NEK11: variants seen among roughly 807,000 people sequenced by gnomAD.
NEK11 encodes NIMA related kinase 11, also known as serine/threonine-protein kinase Nek11.
In NEK11, 72 loss-of-function variants were observed where a neutral mutation model predicts 80.7. The ratio of observed to expected loss-of-function variants is 0.89; its 90% CI spans 0.74 to 1.08. The LOEUF (loss-of-function observed/expected upper bound fraction) is 1.08. NEK11 is among the 50% of genes least tolerant of loss of function. NEK11 has a pLI of 0.00. For missense variants in NEK11, 764 were observed against 763.6 expected (o/e 1.00, Z -0.01); for synonymous variants, 251 against 260.7 (o/e 0.96, Z 0.36).
chr3:131,337,377 A>G (rs545463942), intron 17 of NEK11, among the ~76,000 whole-genome samples: 3 of 151,224 alleles, frequency 2.0e-5, no homozygotes, highest in African/African-American at 4.9e-5. Flanking sequence ...AAAACACCAA[A>G]CACCGCATGT....
At chr3:131,157,214 G>A (rs1367551389) in intron 10 of NEK11, among the ~76,000 whole-genome samples, 2 of 152,192 alleles carry the variant, frequency 1.3e-5, no homozygotes, top group African/African-American at 4.8e-5. Context: ...GTAGGATCCT[G>A]TCCTTAAAAT....
At chr3:131,215,369 A>C (rs62280797) in intron 14 of NEK11, among the ~76,000 whole-genome samples, 7,106 of 152,042 alleles carry the variant, frequency 0.047, 233 homozygotes, top group Non-Finnish European at 0.073. Context: ...ACACGTATAC[A>C]TATGTAACAG....
At chr3:131,320,760 C>CA (rs2096889208) in intron 17 of NEK11, among the ~76,000 whole-genome samples, 1 of 151,734 alleles carries the variant, frequency 6.6e-6, no homozygotes, top group African/African-American at 2.4e-5. Context: ...AATAGCGAGA[C>CA]AAAAAATAAA....
At chr3:131,040,374 A>G (rs1003776323) in intron 3 of NEK11, among the ~76,000 whole-genome samples, 2 of 152,078 alleles carry the variant, frequency 1.3e-5, no homozygotes, top group Non-Finnish European at 2.9e-5. Context: ...GGGGTGATGG[A>G]TATGCTCATT....
chr3:131,234,915 CT>C (rs1181713476), intron 15 of NEK11, among the ~76,000 whole-genome samples: 1 of 151,518 alleles, frequency 6.6e-6, no homozygotes, highest in Non-Finnish European at 1.5e-5. Flanking sequence ...GTCATTAAGT[CT>C]TTAAAATTAG....
At chr3:131,102,596 C>A (rs898519304) in intron 4 of NEK11, among the ~76,000 whole-genome samples, 3 of 152,106 alleles carry the variant, frequency 2.0e-5, no homozygotes, top group Admixed American at 2.0e-4. Flanking sequence ...TTTCTCTCTT[C>A]CTTTAAGATT....
At chr3:131,226,802 A>T (rs969445521) in intron 14 of NEK11, among the ~76,000 whole-genome samples, 1 of 152,092 alleles carries the variant, frequency 6.6e-6, no homozygotes. Context: ...GTAACCAAAA[A>T]CCACTTGTAT....
At chr3:131,324,017 G>A (rs1271154491) in intron 17 of NEK11, among the ~76,000 whole-genome samples, 2 of 152,164 alleles carry the variant, frequency 1.3e-5, no homozygotes, top group Non-Finnish European at 2.9e-5. Flanking sequence ...ATTGGGAGGT[G>A]AATCTGTTGA....
intron 16 of NEK11, among the ~76,000 whole-genome samples, chr3:131,260,306 CT>C (rs2095893258): frequency 6.6e-6 from 1 of 152,220 alleles, no homozygotes; most frequent in Admixed American, 6.5e-5. Flanking sequence ...GGCTCTGCCC[CT>C]TTCTATGACC....
At chr3:131,218,700 G>A (rs2094923375) in intron 14 of NEK11, among the ~76,000 whole-genome samples, 1 of 152,190 alleles carries the variant, frequency 6.6e-6, no homozygotes, top group Non-Finnish European at 1.5e-5. Context: ...ATCTGACTGT[G>A]TCCTCATAAG....
At chr3:131,297,291 G>C (rs148810628) in intron 17 of NEK11, among the ~76,000 whole-genome samples, 2,593 of 152,138 alleles carry the variant, frequency 0.017, 64 homozygotes, top group African/African-American at 0.058. Flanking sequence ...GTGTAAAAGT[G>C]TTCCTATTTC....
chr3:131,193,984 T>C (rs983972364), intron 14 of NEK11, among the ~76,000 whole-genome samples: 2 of 152,172 alleles, frequency 1.3e-5, no homozygotes, highest in Non-Finnish European at 2.9e-5. Context: ...TGGAAAGCTG[T>C]AGTATCAGCA....
intron 17 of NEK11, among the ~76,000 whole-genome samples, chr3:131,317,741 C>T (rs776726365): frequency 6.8e-5 from 7 of 103,388 alleles, no homozygotes. Context: ...CATAGTGAAA[C>T]CCCTGTCTCT....
intron 16 of NEK11, among the ~76,000 whole-genome samples, chr3:131,270,508 A>G (rs2096161176): frequency 1.3e-5 from 2 of 152,242 alleles, no homozygotes; most frequent in African/African-American, 4.8e-5. Context: ...ATTGGATGAC[A>G]TCTATGTTCT....
At chr3:131,175,640 T>G (rs2092963051) in intron 14 of NEK11, among the ~76,000 whole-genome samples, 1 of 152,150 alleles carries the variant, frequency 6.6e-6, no homozygotes, top group Non-Finnish European at 1.5e-5. Flanking sequence ...AACCTTTTTT[T>G]GTGATAGAAA....
intron 7 of NEK11, among the ~76,000 whole-genome samples, chr3:131,144,407 T>A (rs1180185606): frequency 6.6e-6 from 1 of 152,188 alleles, no homozygotes. Flanking sequence ...AATCTGCTTT[T>A]GTATCAGCAG....
rs1246696990 is a variant in NEK11, at chr3:131,029,567, C to T, written c.-96-46C>T. ...GCACTTAACACTTTTTGTTAGACAT[C>T]GTTTAGCAACCTTTAGACCTGATCT... On this transcript the variant is annotated intron_variant, in intron 2 of 17. Coordinates refer to ENST00000383366, the MANE Select transcript of NEK11 (RefSeq NM_024800.5). 12 of 723,606 alleles carry T rather than the reference C, an allele frequency of 1.7e-5. No individual in the cohort carries two copies. The East Asian group carries it at 1.9e-4, about 11-fold the overall frequency. 44.8% of individuals were successfully genotyped at this position (723,606 alleles called of 1,614,324 possible).
chr3:131,269,674 G>A (rs925893741), intron 16 of NEK11, among the ~76,000 whole-genome samples: 5 of 152,046 alleles, frequency 3.3e-5, no homozygotes, highest in Admixed American at 6.6e-5. Context: ...GTTCCTATTC[G>A]GCCATCTTGC....
intron 17 of NEK11, among the ~76,000 whole-genome samples, chr3:131,292,855 G>A (rs757455713): frequency 2.0e-5 from 3 of 152,106 alleles, no homozygotes; most frequent in Non-Finnish European, 4.4e-5. Context: ...GGGTGCTGAT[G>A]TAAACGGTAT....
Sources: gnomAD v4.1 joint callset for allele counts (sites outside exome capture counted in the v4.1 genomes callset) on GRCh38, gnomAD v4.1.1 for gene constraint, MANE v1.5 for transcripts, NCBI Gene and HGNC (gene_info 2026-07-23, HGNC 2026-07-21) for gene names.